The following OSBPL1A variants were observed in gnomAD, a reference collection of about 807,000 sequenced individuals.
OSBPL1A encodes oxysterol-binding protein-related protein 1.
A neutral mutation model predicts 137.1 loss-of-function variants in OSBPL1A; 80 were observed. That is an observed-to-expected ratio of 0.58 (90% CI 0.49 to 0.70). The LOEUF (loss-of-function observed/expected upper bound fraction) is 0.70. Among genes scored for constraint, OSBPL1A ranks in the 30% least tolerant of loss-of-function variants. The pLI is 0.00. For missense variants in OSBPL1A, 970 were observed against 1,129.4 expected, an observed-to-expected ratio of 0.86 and a Z score of 2.02; for synonymous variants, 365 against 389.7, an observed-to-expected ratio of 0.94 and a Z score of 0.75.
At chr18:24,348,974 C>A (rs1279147326) in intron 4 of OSBPL1A, among the ~76,000 whole-genome samples, 1 of 151,748 alleles carries the variant, frequency 6.6e-6, no homozygotes, top group Non-Finnish European at 1.5e-5. Flanking sequence ...CGAGACCAAC[C>A]TAGGCAACGT....
At position 24,264,857 on chromosome 18, in the gene OSBPL1A, G is replaced by A. The variant is rs149400049; in HGVS notation, c.1281+15985C>T. 3.2e-3 allele frequency among the ~76,000 whole-genome samples: 489 copies of A among 152,272 alleles called. 1 individual carries two copies. The highest frequency in any genetic ancestry group is 6.8e-3 in the Middle Eastern group (2 of 294). On this transcript the variant is annotated intron_variant, in intron 15 of 27. Coordinates refer to ENST00000319481, the MANE Select transcript of OSBPL1A (RefSeq NM_080597.4). The stretch of plus-strand genomic sequence containing the variant: ...GCAGTTATCCTGGATTTAGTTCTAA[G>A]TTTTGCCCGCTCCTAGCGGCATATG...
At position 24,396,768 on chromosome 18, in the gene OSBPL1A, C is replaced by T. The variant is rs146900368; in HGVS notation, c.-3+887G>A. On this transcript the variant is annotated intron_variant, in intron 1 of 27. Transcript: ENST00000319481. ...TTGTATCGGGGTTAGACTGCAAATACTTCTACCCCTCAAAACGAATCTGCA... is the reference window on the plus strand; with the variant it reads ...TTGTATCGGGGTTAGACTGCAAATATTTCTACCCCTCAAAACGAATCTGCA... 4.6e-5 allele frequency among the ~76,000 whole-genome samples: 7 copies of T among 152,276 alleles called. No individual in the cohort carries two copies. In the East Asian group the frequency reaches 7.7e-4, roughly 17 times the overall value.
intron 15 of OSBPL1A, among the ~76,000 whole-genome samples, chr18:24,274,280 G>A (rs115929818): frequency 2.6e-3 from 389 of 151,780 alleles, no homozygotes; most frequent in African/African-American, 8.3e-3. Flanking sequence ...AAGATAGGGA[G>A]GAAGAAGGAG....
intron 19 of OSBPL1A, among the ~76,000 whole-genome samples, chr18:24,180,497 C>A (rs1421472057): frequency 1.4e-5 from 2 of 139,378 alleles, no homozygotes; most frequent in African/African-American, 5.0e-5. Flanking sequence ...GTGTTAACTT[C>A]TTCTTGGAAA....
chr18:24,163,025 A>C lies in OSBPL1A; in HGVS notation c.*154T>G, dbSNP rs1427587316. On this transcript the variant is annotated 3_prime_UTR_variant, in exon 28 of 28. Transcript: ENST00000319481. ...AGACTTTCATCACCAATATCGCCTT[A>C]TACCCTGCTTTTGTTGGGTGAAATG... 11 of 567,508 alleles carry C rather than the reference A, an allele frequency of 1.9e-5. No homozygotes were observed. Among genetic ancestry groups the C allele is most frequent in the Non-Finnish European group, 2.8e-5 (9 of 324,846 alleles). 35.2% of individuals were successfully genotyped at this position (567,508 alleles called of 1,614,324 possible).
At chr18:24,269,886 C>CACACA (rs1567989971) in intron 15 of OSBPL1A, among the ~76,000 whole-genome samples, 3 of 47,158 alleles carry the variant, frequency 6.4e-5, no homozygotes, top group African/African-American at 3.0e-4. Flanking sequence ...ACACACACAC[C>CACACA]ATGCTAATTA....
At chr18:24,340,669 G>A (rs1568038836) in intron 5 of OSBPL1A, among the ~76,000 whole-genome samples, 1 of 152,174 alleles carries the variant, frequency 6.6e-6, no homozygotes, top group Non-Finnish European at 1.5e-5. Context: ...AGCCGGGTGT[G>A]ATGGTACATG....
intron 4 of OSBPL1A, among the ~76,000 whole-genome samples, chr18:24,354,411 A>G (rs1411664120): frequency 1.3e-5 from 2 of 149,616 alleles, no homozygotes; most frequent in African/African-American, 5.1e-5. Flanking sequence ...TTGAGGGTGA[A>G]GCAGGAACAC....
At chr18:24,363,375 A>G (rs899234558) in intron 4 of OSBPL1A, among the ~76,000 whole-genome samples, 29 of 151,236 alleles carry the variant, frequency 1.9e-4, no homozygotes, top group African/African-American at 6.1e-4. Context: ...AGGCAGAAAC[A>G]CCGTATCTCT....
At chr18:24,362,679 T>A (rs372329229) in intron 4 of OSBPL1A, among the ~76,000 whole-genome samples, 1 of 152,210 alleles carries the variant, frequency 6.6e-6, no homozygotes, top group Non-Finnish European at 1.5e-5. Context: ...AGAAATACAC[T>A]CTATGTCATA....
intron 13 of OSBPL1A, among the ~76,000 whole-genome samples, chr18:24,310,100 T>C (rs1359695731): frequency 6.8e-6 from 1 of 147,816 alleles, no homozygotes; most frequent in Non-Finnish European, 1.5e-5. Flanking sequence ...GCATTCAAAC[T>C]CTGTTGGAGA....
At chr18:24,345,159 T>C (rs2091325151) in intron 4 of OSBPL1A, among the ~76,000 whole-genome samples, 1 of 151,018 alleles carries the variant, frequency 6.6e-6, no homozygotes, top group African/African-American at 2.4e-5. Flanking sequence ...CAAAAGAACA[T>C]CTATAATGAA....
intron 18 of OSBPL1A, among the ~76,000 whole-genome samples, chr18:24,183,217 T>TA (rs1399034073): frequency 1.3e-5 from 2 of 151,902 alleles, no homozygotes; most frequent in Non-Finnish European, 2.9e-5. Context: ...TTTTTTCTAT[T>TA]AAAAAAACTA....
At chr18:24,296,752 C>T (rs771943277) in intron 14 of OSBPL1A, among the ~76,000 whole-genome samples, 32 of 152,062 alleles carry the variant, frequency 2.1e-4, no homozygotes, top group Non-Finnish European at 3.4e-4. Context: ...TCTGCATCTA[C>T]TGAGATGATC....
At chr18:24,258,768 G>A (rs1303698102) in intron 15 of OSBPL1A, among the ~76,000 whole-genome samples, 1 of 151,846 alleles carries the variant, frequency 6.6e-6, no homozygotes, top group Non-Finnish European at 1.5e-5. Context: ...AAAACAGAAT[G>A]CTAAATTGCC....
intron 14 of OSBPL1A, among the ~76,000 whole-genome samples, chr18:24,290,920 A>C (rs2090164501): frequency 6.6e-6 from 1 of 152,152 alleles, no homozygotes; most frequent in South Asian, 2.1e-4. Flanking sequence ...AAACCTGAGA[A>C]ACTGAAGCCC....
rs1377130481 is a variant in OSBPL1A at position 24,397,680 on chromosome 18, G to A, written c.-28C>T. On this transcript the variant is annotated 5_prime_UTR_variant, in exon 1 of 28. Coordinates refer to ENST00000319481, the MANE Select transcript of OSBPL1A (RefSeq NM_080597.4). ...CTACGCGGTCACCCGGGCTCCCAGA[G>A]CTCCCGAGGCGGTGGCCACGACCCC... is the stretch of plus-strand genomic sequence containing the variant. 1 of 152,280 alleles carries A rather than the reference G, an allele frequency of 6.6e-6. No individual in the cohort carries two copies. Among genetic ancestry groups the A allele is most frequent in the African/African-American group, 2.4e-5 (1 of 41,458 alleles). 9.4% of individuals were successfully genotyped at this position (152,280 alleles called of 1,614,324 possible).
chr18:24,397,774 G>T lies in OSBPL1A; in HGVS notation c.-122C>A, dbSNP rs1299337966. On this transcript the variant is annotated 5_prime_UTR_variant, in exon 1 of 28. Transcript: ENST00000319481. ...CCAACTCTGGCTGGCACTCCCCGAGGACGCTCGAGCCCGCGTAACGTCTGT... is the reference window on the plus strand; with the variant it reads ...CCAACTCTGGCTGGCACTCCCCGAGTACGCTCGAGCCCGCGTAACGTCTGT... 1 of 152,220 alleles carries T rather than the reference G, an allele frequency of 6.6e-6. No individual in the cohort carries two copies. Among genetic ancestry groups the T allele is most frequent in the East Asian group, 1.9e-4 (1 of 5,174 alleles). The allele number at this position is 152,220 out of a possible 1,614,324, so 9.4% of individuals were successfully genotyped here. A position where few individuals can be genotyped will look rare whatever the true frequency, so the allele number is the denominator to read the frequency against.
chr18:24,167,238 T>G (rs1444175306), intron 25 of OSBPL1A, 91 bp downstream of exon 25: 1 of 1,208,270 alleles, frequency 8.3e-7, no homozygotes, highest in East Asian at 2.4e-5. Flanking sequence ...CCTGTCTCCA[T>G]GCTGCCTGGG....
Sources: gnomAD v4.1 joint callset for allele counts (sites outside exome capture counted in the v4.1 genomes callset) on GRCh38, gnomAD v4.1.1 for gene constraint, MANE v1.5 for transcripts, NCBI Gene and HGNC (gene_info 2026-07-23, HGNC 2026-07-21) for gene names.